RGR: variants seen among roughly 807,000 people sequenced by gnomAD.
The protein encoded by RGR is retinal G protein coupled receptor.
In RGR, 30 loss-of-function variants were observed where a neutral mutation model predicts 28.6. The ratio of observed to expected loss-of-function variants is 1.05; its 90% CI spans 0.78 to 1.42. The LOEUF is 1.42. Among genes scored for constraint, RGR ranks in the 40% most tolerant of loss-of-function variants. The pLI, the probability that RGR is intolerant of heterozygous loss-of-function variation, is 0.00. For synonymous variants in RGR, 180 were observed against 156.4 expected (o/e 1.15, Z -1.13); for missense variants, 404 against 375.6 (o/e 1.08, Z -0.62).
At position 84,254,321 on chromosome 10, in the gene RGR, T is replaced by C; in HGVS notation, c.513-5T>C. 1 of 1,613,724 alleles carries C rather than the reference T, an allele frequency of 6.2e-7. No homozygotes were observed. The highest frequency in any genetic ancestry group is 8.5e-7 in the Non-Finnish European group (1 of 1,179,616). On this transcript the variant is annotated splice_polypyrimidine_tract_variant and splice_region_variant and intron_variant, in intron 4 of 6. Transcript: ENST00000652092. ...ACCCCAATCCTCCACCCGCTCTCCC[T>C]GTAGAAACTTCACCAGCTTCCTCTT... is the stretch of plus-strand genomic sequence containing the variant.
At chr10:84,251,266 T>G (rs563630550) in intron 3 of RGR, among the ~76,000 whole-genome samples, 69 of 152,286 alleles carry the variant, frequency 4.5e-4, no homozygotes, top group African/African-American at 1.6e-3. Context: ...CAGGAAGAAC[T>G]GACATCTTAA....
chr10:84,247,034 G>A (rs975727324), intron 1 of RGR, among the ~76,000 whole-genome samples: 3 of 152,198 alleles, frequency 2.0e-5, no homozygotes, highest in African/African-American at 7.2e-5. Flanking sequence ...GATAGGGGAA[G>A]CTGAGGTTCA....
chr10:84,245,334 C>T (rs959675714), intron 1 of RGR, among the ~76,000 whole-genome samples, 165 bp downstream of exon 1: 1 of 152,130 alleles, frequency 6.6e-6, no homozygotes, highest in African/African-American at 2.4e-5. Flanking sequence ...GGTGTTCTGA[C>T]AATTGAACCT....
intron 2 of RGR, 60 bp from the exon 3 acceptor site, chr10:84,248,862 C>T (rs1268983638): frequency 1.3e-5 from 21 of 1,614,094 alleles, no homozygotes; most frequent in Non-Finnish European, 1.7e-5. Context: ...CTGTACTTGG[C>T]AGGTGTGGGA....
At chr10:84,248,868 T>G in intron 2 of RGR, 54 bp from the exon 3 acceptor site, 3 of 1,614,006 alleles carry the variant, frequency 1.9e-6, no homozygotes, top group Non-Finnish European at 2.5e-6. Context: ...TTGGCAGGTG[T>G]GGGAGGTGGA....
At position 84,257,825 on chromosome 10, in the gene RGR, T is replaced by G. The variant is rs534819589; in HGVS notation, c.631-68T>G. On this transcript the variant is annotated intron_variant, in intron 5 of 6. Coordinates refer to ENST00000652092, the MANE Select transcript of RGR (RefSeq NM_001012720.2). ...CGCCCTGCTGAGTGCTGACCTGGTTTTCTTGGCCACATAGGGCTGTGGGCC... is the reference window on the plus strand; with the variant it reads ...CGCCCTGCTGAGTGCTGACCTGGTTGTCTTGGCCACATAGGGCTGTGGGCC... The G allele has an allele frequency of 3.3e-4, 468 of 1,397,720 alleles. 3 individuals are homozygous for G. The South Asian group carries it at 5.2e-3, about 15-fold the overall frequency. 86.6% of individuals were successfully genotyped at this position (1,397,720 alleles called of 1,614,324 possible).
intron 3 of RGR, among the ~76,000 whole-genome samples, chr10:84,249,820 G>C (rs73317982): frequency 0.03 from 4,496 of 152,260 alleles, 203 homozygotes; most frequent in African/African-American, 0.1. Flanking sequence ...AAGCTGCACT[G>C]TCAAATACCA....
Position 84,259,551 on chromosome 10 carries a change from T to G in RGR, c.*912T>G, listed in dbSNP as rs1332276090. The G allele has an allele frequency of 1.3e-5, 2 of 152,190 alleles. No homozygotes were observed. The highest frequency in any genetic ancestry group is 6.5e-5 in the Admixed American group (1 of 15,284). 9.4% of individuals were successfully genotyped at this position (152,190 alleles called of 1,614,324 possible). ...TTTTCTCTGCATCCTTACCAATATC[T>G]GTAATTTTTTGACTTTTTAATAATA... On this transcript the variant is annotated 3_prime_UTR_variant, in exon 7 of 7. Coordinates refer to ENST00000652092, the MANE Select transcript of RGR (RefSeq NM_001012720.2).
At chr10:84,257,498 G>T (rs764943679) in intron 5 of RGR, among the ~76,000 whole-genome samples, 10 of 152,184 alleles carry the variant, frequency 6.6e-5, no homozygotes, top group Non-Finnish European at 8.8e-5. Context: ...ACGTTGGGAG[G>T]CCGAGGCAGG....
chr10:84,247,305 G>T (rs991381145), intron 1 of RGR, among the ~76,000 whole-genome samples: 7 of 152,196 alleles, frequency 4.6e-5, no homozygotes, highest in African/African-American at 1.7e-4. Flanking sequence ...AAGTTAGCTA[G>T]TGTCTCTGAG....
intron 1 of RGR, among the ~76,000 whole-genome samples, chr10:84,246,075 C>T (rs952703952): frequency 6.6e-6 from 1 of 152,182 alleles, no homozygotes; most frequent in Non-Finnish European, 1.5e-5. Context: ...TCCTGAGAAC[C>T]CTACAATCTA....
chr10:84,258,438 T>C (rs1589337614), intron 6 of RGR, 70 bp from the exon 7 acceptor site: 1 of 1,612,486 alleles, frequency 6.2e-7, no homozygotes, highest in Admixed American at 1.7e-5. Flanking sequence ...GTGACCGGGG[T>C]CACCAGGTGA....
At chr10:84,252,711 T>G in intron 3 of RGR, 146 bp from the exon 4 acceptor site, 2 of 1,068,712 alleles carry the variant, frequency 1.9e-6, no homozygotes, top group Non-Finnish European at 1.4e-6. Context: ...ATGTAGTGGC[T>G]CAATCCTGTA....
Position 84,258,008 on chromosome 10 carries a change from T to A in RGR, c.744+2T>A. 1 of 1,610,914 alleles carries A rather than the reference T, an allele frequency of 6.2e-7. No individual in the cohort carries two copies. Among genetic ancestry groups the A allele is most frequent in the Non-Finnish European group, 8.5e-7 (1 of 1,177,102 alleles). Reference sequence around the variant, plus strand: ...TCCATCTCCCCCAAACTGCAGATGGTACAGATACTTCTAGTACCTAAAACT... The same window carrying A: ...TCCATCTCCCCCAAACTGCAGATGGAACAGATACTTCTAGTACCTAAAACT... On this transcript the variant is annotated splice_donor_variant, in intron 6 of 6. Transcript: ENST00000652092. LOFTEE classifies it high-confidence loss of function.
At position 84,258,737 on chromosome 10, in the gene RGR, C is replaced by A. The variant is rs1589337907; in HGVS notation, c.*98C>A. 6.4e-7 allele frequency: 1 copy of A among 1,561,288 alleles called. No individual in the cohort carries two copies. Among genetic ancestry groups the A allele is most frequent in the Non-Finnish European group, 8.7e-7 (1 of 1,144,566 alleles). ...AGCCCAGACACTCACCCACCTTCCC[C>A]AGTGGCCCCGTGGATCCTGGTCCTA... is the stretch of plus-strand genomic sequence containing the variant. On this transcript the variant is annotated 3_prime_UTR_variant, in exon 7 of 7. Transcript: ENST00000652092.
rs1483393079 is a variant in RGR, at chr10:84,258,806, A to ACACCAG, written c.*167_*168insCACCAG. 1 of 976,958 alleles carries ACACCAG rather than the reference A, an allele frequency of 1.0e-6. No homozygotes were observed. The highest frequency in any genetic ancestry group is 1.6e-5 in the African/African-American group (1 of 62,230). The allele number at this position is 976,958 out of a possible 1,614,324, so 60.5% of individuals were successfully genotyped here. A position where few individuals can be genotyped will look rare whatever the true frequency, so the allele number is the denominator to read the frequency against. On this transcript the variant is annotated 3_prime_UTR_variant, in exon 7 of 7. Coordinates refer to ENST00000652092, the MANE Select transcript of RGR (RefSeq NM_001012720.2). ...GAAAGACACCAGGCTGCACAGAAAG[A>ACACCAG]GCCAGATGGACCTGAGTGTCGGTCA...
intron 1 of RGR, among the ~76,000 whole-genome samples, chr10:84,247,302 C>G (rs1263143870): frequency 6.6e-6 from 1 of 152,192 alleles, no homozygotes; most frequent in Non-Finnish European, 1.5e-5. Context: ...GGCAAGTTAG[C>G]TAGTGTCTCT....
intron 1 of RGR, 63 bp from the exon 2 acceptor site, chr10:84,247,528 A>AC: frequency 6.3e-7 from 1 of 1,595,570 alleles, no homozygotes; most frequent in South Asian, 1.1e-5. Flanking sequence ...CACCCCACAC[A>AC]CACTGTTCTG....
At chr10:84,250,426 A>T (rs1188024409) in intron 3 of RGR, 2 of 717,060 alleles carry the variant, frequency 2.8e-6, no homozygotes, top group Non-Finnish European at 5.2e-6. Flanking sequence ...GAGTGGCGAT[A>T]GGTTAGCCCT....
Sources: gnomAD v4.1 joint callset for allele counts (sites outside exome capture counted in the v4.1 genomes callset) on GRCh38, gnomAD v4.1.1 for gene constraint, MANE v1.5 for transcripts, NCBI Gene and HGNC (gene_info 2026-07-23, HGNC 2026-07-21) for gene names.